MARCHF1: variants seen among roughly 807,000 people sequenced by gnomAD.
MARCHF1 encodes the protein E3 ubiquitin-protein ligase MARCHF1.
In MARCHF1, 40 loss-of-function variants were observed where a neutral mutation model predicts 54.2. The ratio of observed to expected loss-of-function variants is 0.74; its 90% CI spans 0.57 to 0.96. The LOEUF is 0.96. MARCHF1 is among the 40% of genes least tolerant of loss of function. The pLI is 0.00. For synonymous variants in MARCHF1, 236 were observed against 236.3 expected, an observed-to-expected ratio of 1.00 and a Z score of 0.01; for missense variants, 586 against 656.5, an observed-to-expected ratio of 0.89 and a Z score of 1.17.
chr4:164,195,959 A>G (rs772961288), intron 1 of MARCHF1, among the ~76,000 whole-genome samples: 9 of 152,162 alleles, frequency 5.9e-5, no homozygotes, highest in Non-Finnish European at 1.3e-4. Context: ...GCTAAAAACA[A>G]AAATTAATGC....
At chr4:164,083,877 A>G (rs1755146844) in intron 2 of MARCHF1, among the ~76,000 whole-genome samples, 1 of 152,048 alleles carries the variant, frequency 6.6e-6, no homozygotes, top group Admixed American at 6.6e-5. Flanking sequence ...AATAGAAATC[A>G]TTTGTAGTGC....
At chr4:164,143,966 G>C (rs1729584937) in intron 1 of MARCHF1, among the ~76,000 whole-genome samples, 1 of 152,118 alleles carries the variant, frequency 6.6e-6, no homozygotes, top group Non-Finnish European at 1.5e-5. Context: ...CAAAATAAAA[G>C]GATGGAAGAA....
intron 2 of MARCHF1, among the ~76,000 whole-genome samples, chr4:164,057,508 T>C (rs2111059338): frequency 6.6e-6 from 1 of 152,364 alleles, no homozygotes; most frequent in South Asian, 2.1e-4. Context: ...TAAGAATATA[T>C]GTTTTGTGGC....
intron 4 of MARCHF1, among the ~76,000 whole-genome samples, chr4:163,831,876 G>A (rs113329602): frequency 0.015 from 2,219 of 152,248 alleles, 47 homozygotes; most frequent in African/African-American, 0.047. Context: ...TAGTGGATAG[G>A]GAGCTTGAGT....
chr4:163,601,838 T>C (rs1740981708), intron 7 of MARCHF1, among the ~76,000 whole-genome samples: 2 of 152,076 alleles, frequency 1.3e-5, no homozygotes, highest in South Asian at 4.1e-4. Context: ...TCAGAATACA[T>C]GCTATTTCTA....
At chr4:164,036,206 T>C (rs1025251270) in intron 2 of MARCHF1, among the ~76,000 whole-genome samples, 2 of 152,052 alleles carry the variant, frequency 1.3e-5, no homozygotes, top group Non-Finnish European at 2.9e-5. Context: ...TATGTTTTAC[T>C]TTAACAGTAA....
At chr4:164,086,626 T>C (rs937782650) in intron 2 of MARCHF1, among the ~76,000 whole-genome samples, 1 of 151,958 alleles carries the variant, frequency 6.6e-6, no homozygotes, top group African/African-American at 2.4e-5. Flanking sequence ...ATTGGTAGAG[T>C]TAATATTTAA....
intron 3 of MARCHF1, among the ~76,000 whole-genome samples, chr4:163,970,207 C>T (rs972697413): frequency 1.3e-5 from 2 of 152,152 alleles, no homozygotes; most frequent in Admixed American, 1.3e-4. Flanking sequence ...AGGTAGTCAA[C>T]TAGTTTGAAA....
rs182330283 is a variant in MARCHF1, at chr4:164,248,438, T to G, written c.-323+135432A>C. On this transcript the variant is annotated intron_variant, in intron 1 of 9. Transcript: ENST00000514618. ...TAATGGTGATGGTGACAGTGATTCTTGGAGAAAAAAGGATTATTAGTATTA... is the reference window on the plus strand; with the variant it reads ...TAATGGTGATGGTGACAGTGATTCTGGGAGAAAAAAGGATTATTAGTATTA... Among the ~76,000 whole-genome samples, 196 of 152,150 alleles carry G rather than the reference T, an allele frequency of 1.3e-3. 2 individuals are homozygous for G. Among genetic ancestry groups the G allele is most frequent in the African/African-American group, 4.5e-3 (186 of 41,524 alleles).
chr4:164,292,866 T>C (rs779703617), intron 1 of MARCHF1, among the ~76,000 whole-genome samples: 1 of 152,138 alleles, frequency 6.6e-6, no homozygotes, highest in Admixed American at 6.6e-5. Context: ...CTTGACAAGA[T>C]TGCCTTCCCT....
In MARCHF1 at chr4:163,573,353, G is replaced by A. The variant is rs1002920040; in HGVS notation, c.1191+12396C>T. Among the ~76,000 whole-genome samples the A allele has an allele frequency of 2.7e-5, 4 of 150,196 alleles. No homozygotes were observed. In the South Asian group the frequency reaches 8.4e-4, roughly 32 times the overall value. ...ATACTTTAAGTTTTAGGGTACATGTGCACAATGTGCAGGTTAGTTACACGT... is the reference window on the plus strand; with the variant it reads ...ATACTTTAAGTTTTAGGGTACATGTACACAATGTGCAGGTTAGTTACACGT... On this transcript the variant is annotated intron_variant, in intron 8 of 9. Coordinates refer to ENST00000514618, the MANE Select transcript of MARCHF1 (RefSeq NM_001394959.1).
At chr4:164,220,002 A>G (rs1732045771) in intron 1 of MARCHF1, among the ~76,000 whole-genome samples, 1 of 151,862 alleles carries the variant, frequency 6.6e-6, no homozygotes, top group Admixed American at 6.6e-5. Flanking sequence ...ATTGCCTTGT[A>G]AGACAATAGG....
chr4:164,352,827 A>C (rs1730396167), intron 1 of MARCHF1, among the ~76,000 whole-genome samples: 1 of 98,744 alleles, frequency 1.0e-5, no homozygotes, highest in Non-Finnish European at 2.2e-5. Flanking sequence ...AAGTTGGATA[A>C]AGAGTCAAGA....
chr4:163,647,430 G>C (rs6827055), intron 5 of MARCHF1, among the ~76,000 whole-genome samples: 16,251 of 151,936 alleles, frequency 0.11, 1,539 homozygotes, highest in African/African-American at 0.25. Flanking sequence ...GATATATAGA[G>C]AACTTTCTAT....
At chr4:163,805,280 T>C (rs17044179) in intron 4 of MARCHF1, among the ~76,000 whole-genome samples, 1 of 152,122 alleles carries the variant, frequency 6.6e-6, no homozygotes, top group East Asian at 1.9e-4. Flanking sequence ...TTTTTCTTTA[T>C]AAGAATGCCA....
chr4:164,298,535 A>G (rs1734469943), intron 1 of MARCHF1, among the ~76,000 whole-genome samples: 1 of 152,138 alleles, frequency 6.6e-6, no homozygotes, highest in Admixed American at 6.6e-5. Context: ...CATATTTTGC[A>G]TCACATAATG....
intron 1 of MARCHF1, among the ~76,000 whole-genome samples, chr4:164,340,481 A>G (rs7655361): frequency 0.5 from 68,323 of 136,620 alleles, 17,816 homozygotes; most frequent in Admixed American, 0.59. Context: ...CCAGGATGGA[A>G]TGCAGCAGTG....
chr4:163,578,678 T>C (rs778411180), intron 8 of MARCHF1, among the ~76,000 whole-genome samples: 1 of 152,194 alleles, frequency 6.6e-6, no homozygotes, highest in African/African-American at 2.4e-5. Flanking sequence ...ATGAATTGTC[T>C]TACAAAGACC....
intron 9 of MARCHF1, among the ~76,000 whole-genome samples, chr4:163,542,377 A>G (rs11939866): frequency 0.61 from 92,318 of 152,032 alleles, 28,280 homozygotes; most frequent in Admixed American, 0.72. Context: ...GGACAGAGAA[A>G]GCCCCCAACT....
Sources: gnomAD v4.1 joint callset for allele counts (sites outside exome capture counted in the v4.1 genomes callset) on GRCh38, gnomAD v4.1.1 for gene constraint, MANE v1.5 for transcripts, NCBI Gene and HGNC (gene_info 2026-07-23, HGNC 2026-07-21) for gene names.